Variants in COL5A1 observed in about 807,000 individuals in gnomAD.
COL5A1 encodes collagen alpha-1(V) chain.
A neutral mutation model predicts 263.7 loss-of-function variants in COL5A1; 16 were observed. The ratio of observed to expected loss-of-function variants is 0.06; its 90% CI spans 0.04 to 0.09. The LOEUF is 0.09. Ranked by LOEUF, COL5A1 falls within the 10% of genes least tolerant of loss-of-function variation. The pLI is 1.00. For missense variants in COL5A1, 2,036 were observed against 2,540.5 expected (o/e 0.80, Z 4.27); for synonymous variants, 1,012 against 1,004.5 (o/e 1.01, Z -0.14).
At chr9:134,679,426 T>TA (rs1359960617) in intron 1 of COL5A1, among the ~76,000 whole-genome samples, 8 of 17,038 alleles carry the variant, frequency 4.7e-4, no homozygotes, top group Admixed American at 8.6e-4. Flanking sequence ...TGGGGCTGGT[T>TA]GGGGGCACTG....
At chr9:134,717,711 C>T (rs748018175) in intron 4 of COL5A1, among the ~76,000 whole-genome samples, 32 of 152,202 alleles carry the variant, frequency 2.1e-4, no homozygotes, top group Non-Finnish European at 3.2e-4. Context: ...CCCACAGCCT[C>T]GAACAAGAAG....
intron 26 of COL5A1, among the ~76,000 whole-genome samples, chr9:134,773,069 C>CTGCCCATGACTGGATCGGG (rs1554797330): frequency 1.3e-5 from 2 of 151,024 alleles, no homozygotes; most frequent in South Asian, 4.2e-4. Flanking sequence ...CCTCCAGTTG[C>CTGCCCATGACTGGATCGGG]TGCCCATGAC....
At position 134,823,485 on chromosome 9, in the gene COL5A1, A is replaced by G. The variant is rs1232246029; in HGVS notation, c.4698+16A>G. ...AGGCCCCCCGGTAAGTAGCCCTTGA[A>G]GCCCAGAAAGCGGGACGGGGGCTCT... is the stretch of plus-strand genomic sequence containing the variant. On this transcript the variant is annotated intron_variant, in intron 61 of 65. Coordinates refer to ENST00000371817, the MANE Select transcript of COL5A1 (RefSeq NM_000093.5). 6.2e-7 allele frequency: 1 copy of G among 1,614,004 alleles called. No individual in the cohort carries two copies. Among genetic ancestry groups the G allele is most frequent in the Admixed American group, 1.7e-5 (1 of 60,012 alleles).
At chr9:134,826,718 G>GTGT (rs1839285531) in intron 63 of COL5A1, among the ~76,000 whole-genome samples, 2 of 147,390 alleles carry the variant, frequency 1.4e-5, no homozygotes, top group African/African-American at 5.1e-5. Context: ...GGGGTGTGTG[G>GTGT]GTGGTGTGTG....
At position 134,830,924 on chromosome 9, in the gene COL5A1, G is replaced by GTTC. The variant is rs35261149; in HGVS notation, c.5136+882_5136+884dup. Among the ~76,000 whole-genome samples the GTTC allele has an allele frequency of 1.8e-3, 276 of 152,336 alleles. 4 individuals carry two copies. The highest frequency in any genetic ancestry group is 6.4e-3 in the African/African-American group (265 of 41,580). Reference sequence around the variant, plus strand: ...GCCCTCTCCTGGAATGAAGAGCAGAGTTCTGTCTTTTCTCCCAGCAAGTTA... The same window carrying GTTC: ...GCCCTCTCCTGGAATGAAGAGCAGAGTTCTTCTGTCTTTTCTCCCAGCAAGTTA... On this transcript the variant is annotated intron_variant, in intron 64 of 65. Transcript: ENST00000371817.
At chr9:134,815,434 C>A in intron 50 of COL5A1, 142 bp from the exon 51 acceptor site, 1 of 839,900 alleles carries the variant, frequency 1.2e-6, no homozygotes, top group Non-Finnish European at 2.0e-6. Context: ...CCATAAAGTG[C>A]ACTGGGTTGT....
chr9:134,707,319 G>C (rs1316283173), intron 4 of COL5A1, among the ~76,000 whole-genome samples: 2 of 152,240 alleles, frequency 1.3e-5, no homozygotes, highest in African/African-American at 4.8e-5. Flanking sequence ...TGGCGGGAAA[G>C]TGATGGCGTC....
At chr9:134,784,941 T>TGG (rs759567472) in intron 29 of COL5A1, 48 bp from the exon 30 acceptor site, 2 of 1,259,772 alleles carry the variant, frequency 1.6e-6, no homozygotes, top group Non-Finnish European at 2.3e-6. Context: ...TGGAGAATAG[T>TGG]GTGTGTGCGG....
chr9:134,648,946 C>A (rs1831570278), intron 1 of COL5A1, among the ~76,000 whole-genome samples: 1 of 152,154 alleles, frequency 6.6e-6, no homozygotes, highest in South Asian at 2.1e-4. Flanking sequence ...TTGCTCTTTA[C>A]AAGGAACGGA....
intron 48 of COL5A1, 68 bp from the exon 49 acceptor site, chr9:134,813,915 T>C (rs148866081): frequency 2.2e-4 from 330 of 1,529,220 alleles, no homozygotes; most frequent in Non-Finnish European, 2.7e-4. Context: ...TGGCAAATGC[T>C]TGAAACCGTA....
chr9:134,807,941 C>T (rs543370573), intron 42 of COL5A1, among the ~76,000 whole-genome samples: 2 of 152,276 alleles, frequency 1.3e-5, no homozygotes, highest in South Asian at 4.1e-4. Flanking sequence ...AGAAGCTCGT[C>T]ATCCTCCCAG....
chr9:134,830,272 C>T, intron 64 of COL5A1: 1 of 1,303,148 alleles, frequency 7.7e-7, no homozygotes, highest in Non-Finnish European at 1.1e-6. Context: ...CCATGTGTGC[C>T]ACACCGCTCT....
At chr9:134,715,693 A>G (rs1564407065) in intron 4 of COL5A1, among the ~76,000 whole-genome samples, 1 of 152,252 alleles carries the variant, frequency 6.6e-6, no homozygotes, top group Non-Finnish European at 1.5e-5. Flanking sequence ...AACAAAGCAC[A>G]TCCTGCATAG....
intron 1 of COL5A1, among the ~76,000 whole-genome samples, chr9:134,653,934 ATGTAGGGCTGGAGGTG>A (rs548567804): frequency 0.028 from 2,827 of 101,336 alleles, 110 homozygotes; most frequent in African/African-American, 0.099. Flanking sequence ...GGGCTGGTGT[ATGTAGGGCTGGAGGTG>A]TGTAGGGCTG....
intron 4 of COL5A1, among the ~76,000 whole-genome samples, chr9:134,726,727 T>C (rs1225878454): frequency 2.0e-5 from 3 of 150,388 alleles, no homozygotes; most frequent in African/African-American, 4.9e-5. Context: ...GGTGGACAGA[T>C]GGGTGAATGG....
intron 63 of COL5A1, 49 bp downstream of exon 63, chr9:134,825,953 C>G (rs745777888): frequency 1.6e-6 from 2 of 1,236,944 alleles, no homozygotes; most frequent in East Asian, 2.3e-5. Context: ...GCGTCACAGA[C>G]AGGGCCATGC....
chr9:134,823,860 A>ATG (rs5901054), intron 61 of COL5A1, among the ~76,000 whole-genome samples: 3 of 151,920 alleles, frequency 2.0e-5, no homozygotes, highest in African/African-American at 7.3e-5. Flanking sequence ...TTGTATGTGC[A>ATG]TGTGTGTGTG....
chr9:134,725,826 T>A (rs999427238), intron 4 of COL5A1, among the ~76,000 whole-genome samples: 1 of 152,256 alleles, frequency 6.6e-6, no homozygotes, highest in Non-Finnish European at 1.5e-5. Context: ...TCTATGCATA[T>A]ACCACACTCT....
At chr9:134,775,208 C>T (rs1390206991) in intron 27 of COL5A1, among the ~76,000 whole-genome samples, 1 of 152,258 alleles carries the variant, frequency 6.6e-6, no homozygotes, top group Non-Finnish European at 1.5e-5. Context: ...GGGACACGTC[C>T]TTTTGCTTCT....
Sources: gnomAD v4.1 joint callset for allele counts (sites outside exome capture counted in the v4.1 genomes callset) on GRCh38, gnomAD v4.1.1 for gene constraint, MANE v1.5 for transcripts, NCBI Gene and HGNC (gene_info 2026-07-23, HGNC 2026-07-21) for gene names.